The following ARHGAP26 variants were observed in gnomAD, a reference collection of about 807,000 sequenced individuals.
The protein encoded by ARHGAP26 is Rho GTPase activating protein 26, also known as rho GTPase-activating protein 26.
ARHGAP26 carries 38 observed loss-of-function variants against 104.8 expected under a neutral mutation model. That is an observed-to-expected ratio of 0.36 (90% CI 0.28 to 0.48). ARHGAP26 has a LOEUF of 0.48. Among genes scored for constraint, ARHGAP26 ranks in the 20% least tolerant of loss-of-function variants. The pLI is 0.99. For synonymous variants in ARHGAP26, 341 were observed against 340.0 expected (o/e 1.00, Z -0.03); for missense variants, 704 against 947.9 (o/e 0.74, Z 3.38).
At position 142,770,676 on chromosome 5, in the gene ARHGAP26, C is replaced by T. The variant is rs941990275; in HGVS notation, c.-86C>T. The T allele has an allele frequency of 9.1e-6, 9 of 986,468 alleles. No homozygotes were observed. The African/African-American group carries it at 1.4e-4, about 15-fold the overall frequency. 61.1% of individuals were successfully genotyped at this position (986,468 alleles called of 1,614,324 possible). ...GCCGGCGGCCGTCGGGGGAGCCGGC[C>T]GGGGTCCCGCCGCGTGAGTGCTCTG... On this transcript the variant is annotated 5_prime_UTR_variant, in exon 1 of 23. Transcript: ENST00000645722.
intron 20 of ARHGAP26, among the ~76,000 whole-genome samples, chr5:143,185,842 A>T (rs549914452): frequency 1.3e-5 from 2 of 152,178 alleles, no homozygotes; most frequent in Admixed American, 6.5e-5. Flanking sequence ...GAAGCTTCCC[A>T]GCCACACTCT....
chr5:142,985,775 C>T (rs1233119335), intron 11 of ARHGAP26, among the ~76,000 whole-genome samples: 4 of 151,002 alleles, frequency 2.6e-5, no homozygotes, highest in Middle Eastern at 3.2e-3. Context: ...TCTGTCCTTG[C>T]GATAGTTTGC....
At chr5:143,028,350 AT>A (rs2152852749) in intron 12 of ARHGAP26, among the ~76,000 whole-genome samples, 1 of 152,322 alleles carries the variant, frequency 6.6e-6, no homozygotes, top group Non-Finnish European at 1.5e-5. Context: ...CAAATAAACT[AT>A]AGTTTATTAA....
intron 1 of ARHGAP26, among the ~76,000 whole-genome samples, chr5:142,815,636 C>A (rs1052747973): frequency 6.6e-6 from 1 of 152,204 alleles, no homozygotes; most frequent in Non-Finnish European, 1.5e-5. Context: ...AGTCTCCAAC[C>A]ACACTGGCTG....
At chr5:143,032,051 G>A (rs1229032839) in intron 12 of ARHGAP26, among the ~76,000 whole-genome samples, 5 of 152,112 alleles carry the variant, frequency 3.3e-5, no homozygotes, top group Middle Eastern at 3.2e-3. Flanking sequence ...CTGTGTTCAC[G>A]TGTTCTCTAG....
intron 21 of ARHGAP26, among the ~76,000 whole-genome samples, chr5:143,210,273 G>T (rs965218699): frequency 6.6e-6 from 1 of 152,126 alleles, no homozygotes; most frequent in Non-Finnish European, 1.5e-5. Context: ...GAGAGTTTGT[G>T]CAGGGAAACT....
intron 12 of ARHGAP26, among the ~76,000 whole-genome samples, chr5:143,017,972 A>G (rs1387208668): frequency 2.6e-5 from 4 of 152,196 alleles, no homozygotes; most frequent in African/African-American, 9.6e-5. Flanking sequence ...CACCAACCCT[A>G]CATGCAAATT....
intron 20 of ARHGAP26, among the ~76,000 whole-genome samples, chr5:143,178,875 A>G (rs74687218): frequency 6.8e-6 from 1 of 146,302 alleles, no homozygotes; most frequent in Non-Finnish European, 1.5e-5. Flanking sequence ...TAACTATATG[A>G]TTTTTTTTTT....
intron 12 of ARHGAP26, among the ~76,000 whole-genome samples, chr5:143,031,482 A>T (rs946673390): frequency 5.3e-5 from 8 of 152,074 alleles, no homozygotes; most frequent in African/African-American, 1.9e-4. Context: ...CAATTGAGGG[A>T]CTTGGTGATA....
intron 20 of ARHGAP26, among the ~76,000 whole-genome samples, chr5:143,187,597 G>C (rs1805336060): frequency 6.6e-6 from 1 of 152,252 alleles, no homozygotes; most frequent in South Asian, 2.1e-4. Flanking sequence ...GGCCAGAGGA[G>C]AACAGTGGCA....
At chr5:142,997,493 C>T (rs1323387473) in intron 11 of ARHGAP26, among the ~76,000 whole-genome samples, 1 of 151,924 alleles carries the variant, frequency 6.6e-6, no homozygotes, top group African/African-American at 2.4e-5. Context: ...ATTGCAGCCT[C>T]GATCCCTTGG....
At chr5:143,093,845 A>G (rs1791853929) in intron 17 of ARHGAP26, among the ~76,000 whole-genome samples, 1 of 152,094 alleles carries the variant, frequency 6.6e-6, no homozygotes, top group Non-Finnish European at 1.5e-5. Context: ...ACTACCAGAG[A>G]TTTTTGTGAG....
intron 1 of ARHGAP26, among the ~76,000 whole-genome samples, chr5:142,856,122 G>A (rs1185011708): frequency 6.6e-6 from 1 of 152,212 alleles, no homozygotes; most frequent in Non-Finnish European, 1.5e-5. Flanking sequence ...GGCTGTGGGT[G>A]GTGTACGAGA....
chr5:142,783,574 G>T (rs900053558), intron 1 of ARHGAP26, among the ~76,000 whole-genome samples: 1 of 152,202 alleles, frequency 6.6e-6, no homozygotes, highest in African/African-American at 2.4e-5. Context: ...GGAGGAGAGA[G>T]ACTGGGTGAT....
chr5:143,016,285 T>C (rs1488111380), intron 12 of ARHGAP26, among the ~76,000 whole-genome samples: 2 of 152,218 alleles, frequency 1.3e-5, no homozygotes, highest in Non-Finnish European at 2.9e-5. Context: ...TAAGCAGTTG[T>C]GACATTTTGC....
chr5:143,106,722 C>G (rs1794078901), intron 17 of ARHGAP26, among the ~76,000 whole-genome samples: 1 of 152,172 alleles, frequency 6.6e-6, no homozygotes, highest in Non-Finnish European at 1.5e-5. Context: ...ATCCACCCAC[C>G]TCGGCCTTCC....
At chr5:142,865,818 T>C (rs1754176371) in intron 1 of ARHGAP26, among the ~76,000 whole-genome samples, 1 of 152,198 alleles carries the variant, frequency 6.6e-6, no homozygotes, top group South Asian at 2.1e-4. Flanking sequence ...CCTTCCATGG[T>C]TTGATTCTAA....
chr5:143,130,770 G>C (rs1190750388), intron 18 of ARHGAP26, among the ~76,000 whole-genome samples: 1 of 152,194 alleles, frequency 6.6e-6, no homozygotes, highest in African/African-American at 2.4e-5. Context: ...TCAAGTGTCA[G>C]AGTTAAATAA....
chr5:143,088,270 G>C (rs942259439), intron 17 of ARHGAP26, among the ~76,000 whole-genome samples: 2 of 152,174 alleles, frequency 1.3e-5, no homozygotes. Flanking sequence ...AGCCCTATGT[G>C]TGCAGTGACC....
Sources: allele counts gnomAD v4.1 joint callset (sites outside exome capture counted in the v4.1 genomes callset), GRCh38; gene constraint gnomAD v4.1.1; transcripts MANE v1.5; gene names NCBI Gene and HGNC (gene_info 2026-07-23, HGNC 2026-07-21).